CIMAP3: variants seen among roughly 807,000 people sequenced by gnomAD.
CIMAP3 encodes the protein ciliary microtubule associated protein 3, also known as ciliary microtubule-associated protein 3.
At chr1:111,346,757 G>A in the CIMAP3 span, 1 of 1,554,420 alleles carries the variant, frequency 6.4e-7, no homozygotes, top group Non-Finnish European at 8.9e-7. Flanking sequence ...GGGAGGAAGT[G>A]CAGTTCGCCC....
chr1:111,332,979 CA>C, the CIMAP3 span, among the ~76,000 whole-genome samples: 1 of 152,174 alleles, frequency 6.6e-6, no homozygotes, highest in African/African-American at 2.4e-5. Context: ...ATTGTAGGCA[CA>C]GGGGCACTGG....
chr1:111,333,967 A>G, the CIMAP3 span, among the ~76,000 whole-genome samples: 8 of 152,140 alleles, frequency 5.3e-5, no homozygotes, highest in Non-Finnish European at 1.2e-4. Context: ...AAATGTCTTT[A>G]TGTGGTATGT....
the CIMAP3 span, among the ~76,000 whole-genome samples, chr1:111,335,385 A>G: frequency 6.6e-6 from 1 of 152,166 alleles, no homozygotes; most frequent in East Asian, 1.9e-4. Context: ...CATGAGCTGA[A>G]GCAGGGCAAG....
the CIMAP3 span, chr1:111,351,180 TTTTTTTG>T: frequency 2.1e-6 from 2 of 965,314 alleles, no homozygotes; most frequent in East Asian, 2.7e-5. Context: ...TTTTTTTTTT[TTTTTTTG>T]CATAACTGGG....
chr1:111,339,718 C>A, the CIMAP3 span, among the ~76,000 whole-genome samples: 9 of 151,704 alleles, frequency 5.9e-5, no homozygotes, highest in African/African-American at 1.7e-4. Context: ...ATACAAACAA[C>A]TGGAAGAACA....
At chr1:111,343,714 G>A in the CIMAP3 span, among the ~76,000 whole-genome samples, 3 of 152,170 alleles carry the variant, frequency 2.0e-5, no homozygotes, top group African/African-American at 7.2e-5. Context: ...ACGATGTTCG[G>A]TCTGGCTTTA....
chr1:111,339,052 A>G, the CIMAP3 span, among the ~76,000 whole-genome samples: 3 of 152,192 alleles, frequency 2.0e-5, no homozygotes, highest in Non-Finnish European at 4.4e-5. Context: ...GGTTCAATAT[A>G]CTCAAATCAA....
the CIMAP3 span, among the ~76,000 whole-genome samples, chr1:111,334,470 C>T: frequency 6.6e-6 from 1 of 152,138 alleles, no homozygotes; most frequent in Non-Finnish European, 1.5e-5. Context: ...AATAATACTT[C>T]AATGCCAAGA....
At chr1:111,349,838 A>G in the CIMAP3 span, 40 of 340,272 alleles carry the variant, frequency 1.2e-4, no homozygotes, top group East Asian at 1.9e-3. Flanking sequence ...TCTCTCAGCT[A>G]TAGATACTGA....
the CIMAP3 span, chr1:111,346,834 G>T: frequency 1.9e-6 from 3 of 1,587,538 alleles, no homozygotes; most frequent in South Asian, 3.4e-5. Flanking sequence ...CAGTCTCCCC[G>T]ACCTTCCCCT....
chr1:111,336,623 T>C, the CIMAP3 span, among the ~76,000 whole-genome samples: 1 of 151,932 alleles, frequency 6.6e-6, no homozygotes, highest in African/African-American at 2.4e-5. Context: ...ATGAATGAAA[T>C]GAAGTGAGAA....
At chr1:111,328,618 T>C in the CIMAP3 span, among the ~76,000 whole-genome samples, 1 of 152,190 alleles carries the variant, frequency 6.6e-6, no homozygotes, top group Non-Finnish European at 1.5e-5. Flanking sequence ...TTCTTTGTCT[T>C]TTTTTATCTT....
the CIMAP3 span, chr1:111,347,843 G>A: frequency 2.8e-6 from 3 of 1,088,564 alleles, no homozygotes; most frequent in African/African-American, 4.7e-5. Flanking sequence ...AGGGCAGAGA[G>A]CAAGAGGGGG....
the CIMAP3 span, chr1:111,347,638 G>GTTTTTTTTTTT: frequency 3.7e-6 from 3 of 818,776 alleles, no homozygotes; most frequent in South Asian, 5.8e-5. Flanking sequence ...TTTTTTTTTT[G>GTTTTTTTTTTT]GTGTTTTTGT....
At chr1:111,334,704 A>T in the CIMAP3 span, among the ~76,000 whole-genome samples, 1 of 152,252 alleles carries the variant, frequency 6.6e-6, no homozygotes, top group Non-Finnish European at 1.5e-5. Flanking sequence ...TTTAAATGAT[A>T]ATTTTTAAAA....
the CIMAP3 span, among the ~76,000 whole-genome samples, chr1:111,336,261 A>C: frequency 7.9e-3 from 1,202 of 152,332 alleles, 16 homozygotes; most frequent in African/African-American, 0.027. Flanking sequence ...AAAAACAGAG[A>C]AGAAAAACTG....
chr1:111,348,326 T>G, the CIMAP3 span: 3 of 507,940 alleles, frequency 5.9e-6, no homozygotes, highest in Non-Finnish European at 1.0e-5. Flanking sequence ...TACGTATCAC[T>G]AGGTAGCTGA....
At chr1:111,332,996 A>T in the CIMAP3 span, among the ~76,000 whole-genome samples, 1 of 152,208 alleles carries the variant, frequency 6.6e-6, no homozygotes, top group African/African-American at 2.4e-5. Flanking sequence ...ACTGGACAGG[A>T]CAAGGGCCTG....
the CIMAP3 span, among the ~76,000 whole-genome samples, chr1:111,326,287 T>G: frequency 1.3e-5 from 2 of 152,072 alleles, no homozygotes; most frequent in Non-Finnish European, 2.9e-5. Flanking sequence ...AACCTATCTC[T>G]CTTCATCCCC....
Sources: allele counts gnomAD v4.1 joint callset (sites outside exome capture counted in the v4.1 genomes callset), GRCh38; gene constraint gnomAD v4.1.1; transcripts MANE v1.5; gene names NCBI Gene and HGNC (gene_info 2026-07-23, HGNC 2026-07-21).